The following SLC26A4 variants were observed in gnomAD, a reference collection of about 807,000 sequenced individuals.
SLC26A4 encodes the protein pendrin.
In SLC26A4, 93 loss-of-function variants were observed where a neutral mutation model predicts 90.4. The ratio of observed to expected loss-of-function variants is 1.03; its 90% CI spans 0.87 to 1.22. The LOEUF is 1.22. SLC26A4 is among the 50% of genes most tolerant of loss of function. The probability of loss-of-function intolerance (pLI) is 0.00; values close to 1 mark genes in which losing one functional copy is unlikely to be tolerated. For missense variants in SLC26A4, 1,127 were observed against 946.2 expected (o/e 1.19, Z -2.51); for synonymous variants, 393 against 354.6 (o/e 1.11, Z -1.22).
At chr7:107,701,795 A>G (rs1384181287) in intron 16 of SLC26A4, 32 bp from the exon 17 acceptor site, 3 of 1,329,414 alleles carry the variant, frequency 2.3e-6, no homozygotes, top group Non-Finnish European at 3.3e-6. Context: ...CAAATCTTTG[A>G]CAATTAAGTT....
chr7:107,715,658 C>T lies in SLC26A4; in HGVS notation c.*212C>T, dbSNP rs1188670627. On this transcript the variant is annotated 3_prime_UTR_variant, in exon 21 of 21. Coordinates refer to ENST00000644269, the MANE Select transcript of SLC26A4 (RefSeq NM_000441.2). The stretch of plus-strand genomic sequence containing the variant: ...TAGAATTATTCAGACGATTTGGCAG[C>T]GTCCAGGGTAAGCTGGTGTTATAAT... The T allele has an allele frequency of 1.8e-5, 11 of 596,888 alleles. No individual in the cohort carries two copies. In the East Asian group the frequency reaches 2.3e-4, roughly 12 times the overall value. 37.0% of individuals were successfully genotyped at this position (596,888 alleles called of 1,614,324 possible).
At chr7:107,684,560 A>C (rs1413298667) in intron 8 of SLC26A4, among the ~76,000 whole-genome samples, 2 of 152,204 alleles carry the variant, frequency 1.3e-5, no homozygotes, top group Admixed American at 6.6e-5. Context: ...AGCTGGCTAC[A>C]TGGGACTTAA....
rs564434827 is a variant in SLC26A4, at chr7:107,661,211, C to T, written c.-4+356C>T. 1.8e-5 allele frequency: 4 copies of T among 222,322 alleles called. No individual in the cohort carries two copies. The highest frequency in any genetic ancestry group is 3.6e-5 in the Non-Finnish European group (4 of 111,242). 13.8% of individuals were successfully genotyped at this position (222,322 alleles called of 1,614,324 possible). A position where few individuals can be genotyped will look rare whatever the true frequency, so the allele number is the denominator to read the frequency against. On this transcript the variant is annotated intron_variant, in intron 1 of 20. Transcript: ENST00000644269. The surrounding 1 kb of genome is among the most constrained non-coding windows in gnomAD (Gnocchi z 5.1). ...CTGGAGCTGCGTCCCGGGTCAGGTGCGGGGAGGGAGGGAATCTCAGTGTCC... is the reference window on the plus strand; with the variant it reads ...CTGGAGCTGCGTCCCGGGTCAGGTGTGGGGAGGGAGGGAATCTCAGTGTCC...
Position 107,690,200 on chromosome 7 carries a change from G to T in SLC26A4, c.1226G>T (p.Arg409Leu). The change falls in exon 10 of 21, where the codon CGC becomes CTC. Residue 409 changes from arginine to leucine, a missense_variant. By Grantham distance (102) the Arg-to-Leu change is moderately radical (BLOSUM62 -2). Coordinates refer to ENST00000644269, the MANE Select transcript of SLC26A4 (RefSeq NM_000441.2). ...TTTGTGGCCACCACTGCTCTTTCCC[G>T]CACGGCCGTCCAGGAGAGCACTGGA... ...SCFVATTALS[R>L]TAVQESTGGK... is the part of the protein sequence containing the mutation. 1 of 1,611,980 alleles carries T rather than the reference G, an allele frequency of 6.2e-7. No homozygotes were observed. The highest frequency in any genetic ancestry group is 8.5e-7 in the Non-Finnish European group (1 of 1,178,274).
At chr7:107,710,941 T>C (rs1342204873) in intron 19 of SLC26A4, among the ~76,000 whole-genome samples, 2 of 152,168 alleles carry the variant, frequency 1.3e-5, no homozygotes. Flanking sequence ...TCCAGTGACA[T>C]CGTGGATATT....
rs369432913 is a variant in SLC26A4, at chr7:107,715,237, CAA to C, written c.2320-173_2320-172del. On this transcript the variant is annotated intron_variant, in intron 20 of 20. Transcript: ENST00000644269. The stretch of plus-strand genomic sequence containing the variant: ...GCAACAGTGAGTGAGATTCAGTCTC[CAA>C]AAAAAAAAAAAAGTATAATGAATAC... Among the ~76,000 whole-genome samples, 2,057 of 104,254 alleles carry C rather than the reference CAA, an allele frequency of 0.02. 39 individuals are homozygous for C. The highest frequency in any genetic ancestry group is 0.064 in the African/African-American group (1,937 of 30,414). The allele number at this position is 104,254 out of a possible 152,430, so 68.4% of individuals were successfully genotyped here.
chr7:107,672,022 T>C (rs927118710), intron 3 of SLC26A4, 116 bp from the exon 4 acceptor site: 4 of 725,924 alleles, frequency 5.5e-6, no homozygotes, highest in Non-Finnish European at 1.0e-5. Context: ...ACTGAATGCA[T>C]ATTGCTTTTG....
intron 20 of SLC26A4, among the ~76,000 whole-genome samples, 186 bp from the exon 21 acceptor site, chr7:107,715,237 C>CAAA (rs369432913): frequency 2.7e-4 from 28 of 104,414 alleles, no homozygotes; most frequent in African/African-American, 8.9e-4. Context: ...ATTCAGTCTC[C>CAAA]AAAAAAAAAA....
At chr7:107,710,426 A>G (rs1448288662) in intron 19 of SLC26A4, among the ~76,000 whole-genome samples, 1 of 152,250 alleles carries the variant, frequency 6.6e-6, no homozygotes, top group Admixed American at 6.5e-5. Context: ...GGTAGTACCC[A>G]GTACTGAATA....
intron 4 of SLC26A4, among the ~76,000 whole-genome samples, chr7:107,673,946 G>C (rs1790941946): frequency 6.6e-6 from 1 of 152,060 alleles, no homozygotes; most frequent in African/African-American, 2.4e-5. Flanking sequence ...GCTTAGGCTG[G>C]TCTGGAACTC....
rs1791296902 is a variant in SLC26A4 at position 107,683,237 on chromosome 7, C to A, written c.801C>A (p.Thr267=). 2 of 1,612,444 alleles carry A rather than the reference C, an allele frequency of 1.2e-6. No individual in the cohort carries two copies. The highest frequency in any genetic ancestry group is 1.7e-6 in the Non-Finnish European group (2 of 1,179,584). The stretch of plus-strand genomic sequence containing the variant: ...AGATTTTTCAAAATATTGGTGATAC[C>A]AATCTTGCTGATTTCACTGCTGGAT... ...LVEIFQNIGD[T]NLADFTAGLL... Residue 267 remains threonine, a synonymous_variant, in exon 7 of 21, where the codon ACC becomes ACA. Transcript: ENST00000644269.
intron 2 of SLC26A4, among the ~76,000 whole-genome samples, chr7:107,662,358 T>C (rs1054518761): frequency 6.6e-5 from 10 of 152,162 alleles, no homozygotes; most frequent in Non-Finnish European, 1.3e-4. Flanking sequence ...CGTAACTAGA[T>C]GTCACAAACA....
At position 107,710,211 on chromosome 7, in the gene SLC26A4, A is replaced by G. The variant is rs565072356; in HGVS notation, c.2235+12A>G. ...CCATTTTAGAAACGGTAAATATTCA[A>G]CCTTTCTACAGATGTATCTTTTCTA... is the stretch of plus-strand genomic sequence containing the variant. On this transcript the variant is annotated intron_variant, in intron 19 of 20. Transcript: ENST00000644269. 9.7e-6 allele frequency: 15 copies of G among 1,554,016 alleles called. No individual in the cohort carries two copies. The highest frequency in any genetic ancestry group is 4.5e-5 in the South Asian group (4 of 89,766).
At chr7:107,670,500 T>C (rs1319787384) in intron 3 of SLC26A4, among the ~76,000 whole-genome samples, 1 of 152,126 alleles carries the variant, frequency 6.6e-6, no homozygotes, top group East Asian at 1.9e-4. Context: ...CAGTTTTGAA[T>C]CTTGATTTTA....
intron 10 of SLC26A4, chr7:107,692,029 C>A: frequency 7.8e-7 from 1 of 1,289,304 alleles, no homozygotes; most frequent in South Asian, 1.2e-5. Context: ...GATGTCCATT[C>A]TCCTGATGTT....
chr7:107,695,795 A>C (rs976983417), intron 12 of SLC26A4, 138 bp from the exon 13 acceptor site: 2 of 657,716 alleles, frequency 3.0e-6, no homozygotes, highest in Non-Finnish European at 5.6e-6. Context: ...CCTGGGCAAT[A>C]GAGTGTGACC....
Position 107,683,261 on chromosome 7 carries a change from A to G in SLC26A4, c.825A>G (p.Gly275=), listed in dbSNP as rs1791298449. 6.2e-7 allele frequency: 1 copy of G among 1,613,042 alleles called. No individual in the cohort carries two copies. Among genetic ancestry groups the G allele is most frequent in the African/African-American group, 1.3e-5 (1 of 74,894 alleles). The change falls in exon 7 of 21, where the codon GGA becomes GGG. Residue 275 remains glycine (G), a synonymous_variant. Coordinates refer to ENST00000644269, the MANE Select transcript of SLC26A4 (RefSeq NM_000441.2). ...CCAATCTTGCTGATTTCACTGCTGG[A>G]TTGCTCACCATTGTCGTCTGTATGG... ...GDTNLADFTA[G]LLTIVVCMAV...
At position 107,663,439 on chromosome 7, in the gene SLC26A4, A is replaced by G. The variant is rs1355699614; in HGVS notation, c.304+4A>G. The G allele has an allele frequency of 6.2e-7, 1 of 1,613,818 alleles. No individual in the cohort carries two copies. Among genetic ancestry groups the G allele is most frequent in the Admixed American group, 1.7e-5 (1 of 59,988 alleles). On this transcript the variant is annotated splice_donor_region_variant and intron_variant, in intron 3 of 20. Coordinates refer to ENST00000644269, the MANE Select transcript of SLC26A4 (RefSeq NM_000441.2). ...GGGCTAGTGGCCACGCTGCAAGGTAAGATGTTGGCAGATTGAGAGTTCTGG... is the reference window on the plus strand; with the variant it reads ...GGGCTAGTGGCCACGCTGCAAGGTAGGATGTTGGCAGATTGAGAGTTCTGG...
intron 10 of SLC26A4, chr7:107,693,795 C>T (rs771401862): frequency 1.1e-5 from 9 of 804,384 alleles, no homozygotes; most frequent in African/African-American, 3.7e-5. Flanking sequence ...AGCCTGCCTC[C>T]GTGGAACTGT....
Sources: gnomAD v4.1 joint callset for allele counts (sites outside exome capture counted in the v4.1 genomes callset) on GRCh38, gnomAD v4.1.1 for gene constraint, Gnocchi (gnomAD v3.1) non-coding constraint, MANE v1.5 for transcripts, NCBI Gene and HGNC (gene_info 2026-07-23, HGNC 2026-07-21) for gene names.